Variants in TNIP3 observed in about 807,000 individuals in gnomAD.
The protein encoded by TNIP3 is TNFAIP3 interacting protein 3, also known as TNFAIP3-interacting protein 3.
A neutral mutation model predicts 54.1 loss-of-function variants in TNIP3; 34 were observed. That is an observed-to-expected ratio of 0.63 (90% CI 0.48 to 0.84). The LOEUF (loss-of-function observed/expected upper bound fraction) is 0.84, where lower values mean the gene tolerates loss of function less well. Ranked by LOEUF, TNIP3 falls within the 40% of genes least tolerant of loss-of-function variation. The pLI, the probability that TNIP3 is intolerant of heterozygous loss-of-function variation, is 0.00. For missense variants in TNIP3, 366 were observed against 387.6 expected (o/e 0.94, Z 0.47); for synonymous variants, 134 against 136.8 (o/e 0.98, Z 0.14).
intron 3 of TNIP3, among the ~76,000 whole-genome samples, chr4:121,157,574 A>G (rs1010946120): frequency 6.6e-6 from 1 of 152,158 alleles, no homozygotes; most frequent in African/African-American, 2.4e-5. Context: ...TCTCCAGGTG[A>G]GCCTAGCCTG....
intron 1 of TNIP3, among the ~76,000 whole-genome samples, chr4:121,163,361 T>G (rs896111208): frequency 6.6e-6 from 1 of 152,224 alleles, no homozygotes; most frequent in Admixed American, 6.5e-5. Context: ...CAGTTGCTAA[T>G]GAAGGCATCT....
chr4:121,182,572 A>C, intron 3 of TNIP3: 2 of 1,339,978 alleles, frequency 1.5e-6, no homozygotes. Context: ...AAGGAAGTAC[A>C]TGACTGACGG....
At chr4:121,164,702 A>G (rs1433149829), upstream of TNIP3, among the ~76,000 whole-genome samples, 2 of 152,208 alleles carry the variant, frequency 1.3e-5, no homozygotes, top group Admixed American at 6.5e-5. Context: ...ATAATACATA[A>G]TAATATAAGT....
At chr4:121,197,617 C>T (rs986297938) in intron 2 of TNIP3, among the ~76,000 whole-genome samples, 4 of 150,958 alleles carry the variant, frequency 2.6e-5, no homozygotes, top group African/African-American at 4.9e-5. Flanking sequence ...AATGAAGAAT[C>T]GAAGAGAGTA....
At chr4:121,137,109 G>T (rs533484640) in intron 10 of TNIP3, among the ~76,000 whole-genome samples, 2 of 152,122 alleles carry the variant, frequency 1.3e-5, no homozygotes, top group Non-Finnish European at 2.9e-5. Flanking sequence ...TGTAATATTG[G>T]TCCAGCAAGA....
At chr4:121,196,965 C>A in intron 2 of TNIP3, among the ~76,000 whole-genome samples, 1 of 151,398 alleles carries the variant, frequency 6.6e-6, no homozygotes, top group South Asian at 2.1e-4. Context: ...CTCAAAGAAC[C>A]ATGGGTAGAA....
At chr4:121,190,723 G>A (rs1003449390) in intron 2 of TNIP3, among the ~76,000 whole-genome samples, 1 of 152,100 alleles carries the variant, frequency 6.6e-6, no homozygotes, top group African/African-American at 2.4e-5. Flanking sequence ...GCCAATACTC[G>A]AAATAAATAT....
chr4:121,161,065 G>T (rs542023885), intron 2 of TNIP3, 71 bp downstream of exon 2: 2 of 1,202,506 alleles, frequency 1.7e-6, no homozygotes, highest in East Asian at 5.1e-5. Context: ...AAAGGCACAA[G>T]GATAATACAT....
In TNIP3 at chr4:121,132,581, T is replaced by C; in HGVS notation, c.*50A>G. ...TCAGTATAAACAAAGAAGAGGGTCCTCAGCCACGCTCCCTCGTTGCCTGTT... is the reference window on the plus strand; with the variant it reads ...TCAGTATAAACAAAGAAGAGGGTCCCCAGCCACGCTCCCTCGTTGCCTGTT... On this transcript the variant is annotated 3_prime_UTR_variant, in exon 11 of 11. Coordinates refer to ENST00000057513, the MANE Select transcript of TNIP3 (RefSeq NM_024873.6). The C allele has an allele frequency of 6.3e-7, 1 of 1,577,836 alleles. No individual in the cohort carries two copies. The highest frequency in any genetic ancestry group is 8.7e-7 in the Non-Finnish European group (1 of 1,148,096).
At chr4:121,135,475 G>A (rs1728727420) in intron 10 of TNIP3, among the ~76,000 whole-genome samples, 2 of 152,012 alleles carry the variant, frequency 1.3e-5, no homozygotes, top group African/African-American at 2.4e-5. Flanking sequence ...TCACCTCACC[G>A]CAACCTTGGC....
intron 2 of TNIP3, among the ~76,000 whole-genome samples, chr4:121,159,009 T>C (rs1467861757): frequency 1.3e-5 from 2 of 152,204 alleles, no homozygotes; most frequent in South Asian, 2.1e-4. Flanking sequence ...TGGGAGGCCA[T>C]GGCAGGTGGG....
intron 2 of TNIP3, among the ~76,000 whole-genome samples, chr4:121,189,100 T>G (rs934048712): frequency 2.6e-5 from 4 of 152,164 alleles, no homozygotes; most frequent in African/African-American, 9.7e-5. Flanking sequence ...GAAAAATCAT[T>G]TAATTGACCT....
intron 2 of TNIP3, among the ~76,000 whole-genome samples, chr4:121,204,281 C>T (rs1297137535): frequency 1.3e-5 from 2 of 152,110 alleles, no homozygotes; most frequent in African/African-American, 4.8e-5. Flanking sequence ...ATCTGATTGC[C>T]TCATTTGGAG....
chr4:121,139,292 C>T (rs992247146), intron 9 of TNIP3, among the ~76,000 whole-genome samples: 1 of 152,178 alleles, frequency 6.6e-6, no homozygotes, highest in African/African-American at 2.4e-5. Context: ...GGGATTTTCT[C>T]CTAGGTTTAC....
Position 121,203,592 on chromosome 4 carries a change from C to G in TNIP3, c.68+12823G>C, listed in dbSNP as rs141943688. Among the ~76,000 whole-genome samples, 350 of 152,204 alleles carry G rather than the reference C, an allele frequency of 2.3e-3. 10 individuals are homozygous for G. The East Asian group carries it at 0.056, about 24-fold the overall frequency. On this transcript the variant is annotated intron_variant, in intron 2 of 12. Coordinates refer to the TNIP3 transcript ENST00000507879. ...AATTACTCATATAACCAAACACCAC[C>G]TGTTCCCCAAAAACCTATTAAAATA...
intron 3 of TNIP3, among the ~76,000 whole-genome samples, chr4:121,171,096 G>A (rs1316270782): frequency 1.3e-5 from 2 of 152,200 alleles, no homozygotes; most frequent in South Asian, 2.1e-4. Flanking sequence ...GATCACAGGC[G>A]TGAGCCACCA....
chr4:121,160,626 T>G (rs1397211812), intron 2 of TNIP3, among the ~76,000 whole-genome samples: 1 of 152,224 alleles, frequency 6.6e-6, no homozygotes, highest in African/African-American at 2.4e-5. Context: ...ACCCATTAAT[T>G]CCCAGGAACA....
intron 2 of TNIP3, among the ~76,000 whole-genome samples, chr4:121,197,450 C>T (rs1725658987): frequency 6.7e-6 from 1 of 149,360 alleles, no homozygotes. Flanking sequence ...ATCGCTTGAG[C>T]TTGGTGGCGG....
chr4:121,152,714 A>T (rs1387146301), intron 5 of TNIP3, among the ~76,000 whole-genome samples: 2 of 152,200 alleles, frequency 1.3e-5, no homozygotes, highest in Non-Finnish European at 2.9e-5. Flanking sequence ...TACATGTTAA[A>T]ATGATATTTT....
Sources: gnomAD v4.1 joint callset for allele counts (sites outside exome capture counted in the v4.1 genomes callset) on GRCh38, gnomAD v4.1.1 for gene constraint, MANE v1.5 for transcripts, NCBI Gene and HGNC (gene_info 2026-07-23, HGNC 2026-07-21) for gene names.